APOBR: variants seen among roughly 807,000 people sequenced by gnomAD.
APOBR encodes the protein apoB-48R.
In APOBR, 57 loss-of-function variants were observed where a neutral mutation model predicts 88.5. The observed-to-expected ratio is 0.64, with a 90% CI of 0.52 to 0.80. APOBR has a LOEUF of 0.80. Among genes scored for constraint, APOBR ranks in the 30% least tolerant of loss-of-function variants. APOBR has a pLI of 0.00. For synonymous variants in APOBR, 588 were observed against 572.7 expected (o/e 1.03, Z -0.38); for missense variants, 1,443 against 1,401.6 (o/e 1.03, Z -0.47).
rs1182925048 is a variant in APOBR, at chr16:28,496,829, G to A, written c.1788G>A (p.Glu596=). ...ELMGVLALSK[E]EQERSLEAGP... ...TGGGAGTTCTGGCCCTGAGCAAAGA[G>A]GAGCAGGAGAGGAGCCTGGAGGCAG... Residue 596 remains glutamate (E), a synonymous_variant, in exon 2 of 4, where the codon GAG becomes GAA. Transcript: ENST00000564831. 6.4e-7 allele frequency: 1 copy of A among 1,561,186 alleles called. No homozygotes were observed. Among genetic ancestry groups the A allele is most frequent in the Non-Finnish European group, 8.7e-7 (1 of 1,152,498 alleles).
rs757908727 is a variant in APOBR, at chr16:28,496,968, G to T, written c.1927G>T (p.Asp643Tyr). Residue 643 changes from aspartate to tyrosine, a missense_variant, in exon 2 of 4, where the codon GAT (aspartate) becomes TAT (tyrosine). Physicochemically the swap from Asp to Tyr is radical, Grantham distance 160. Transcript: ENST00000564831. ...AGGAAATACTCAGGAGGATGCGGCC[G>T]ATGGCGAGCAGCGGGAGGAGGAGGA... ...ERGNTQEDAA[D>Y]GEQREEEETA... 1 of 1,559,430 alleles carries T rather than the reference G, an allele frequency of 6.4e-7. No individual in the cohort carries two copies. The highest frequency in any genetic ancestry group is 2.3e-5 in the East Asian group (1 of 42,756).
chr16:28,498,690 A>G lies in APOBR; in HGVS notation c.*185A>G. The G allele has an allele frequency of 1.4e-6, 1 of 697,242 alleles. No individual in the cohort carries two copies. The highest frequency in any genetic ancestry group is 2.4e-6 in the Non-Finnish European group (1 of 425,096). 43.2% of individuals were successfully genotyped at this position (697,242 alleles called of 1,614,324 possible). A position where few individuals can be genotyped will look rare whatever the true frequency, so the allele number is the denominator to read the frequency against. On this transcript the variant is annotated 3_prime_UTR_variant, in exon 4 of 4. Transcript: ENST00000564831. ...GTCTGGGAAGACCGTGAACTTAAGG[A>G]GTCTGATTCTCCGACACAGGCTGGT...
chr16:28,498,361 G>A lies in APOBR; in HGVS notation c.3224+12G>A, dbSNP rs1367161683. ...CCCCTGGGACACGGGTAGGCACAGGGCAACTCAGCTGGGGTGGGGAAGAGA... is the reference window on the plus strand; with the variant it reads ...CCCCTGGGACACGGGTAGGCACAGGACAACTCAGCTGGGGTGGGGAAGAGA... On this transcript the variant is annotated intron_variant, in intron 3 of 3. Coordinates refer to ENST00000564831, the MANE Select transcript of APOBR (RefSeq NM_018690.4). The A allele has an allele frequency of 1.9e-6, 3 of 1,597,010 alleles. No individual in the cohort carries two copies. Among genetic ancestry groups the A allele is most frequent in the Non-Finnish European group, 2.6e-6 (3 of 1,169,746 alleles).
At position 28,495,669 on chromosome 16, in the gene APOBR, G is replaced by C. The variant is rs1470478295; in HGVS notation, c.628G>C (p.Ala210Pro). 2 of 1,542,804 alleles carry C rather than the reference G, an allele frequency of 1.3e-6. No individual in the cohort carries two copies. ...WTWHGETEGK[A>P]GAVGPKAAGD... ...CTGGCATGGGGAGACGGAGGGGAAG[G>C]CTGGTGCTGTTGGGCCAAAGGCGGC... Residue 210 changes from alanine to proline, a missense_variant, in exon 2 of 4, where the codon GCT (alanine) becomes CCT (proline). Ala to Pro is a conservative substitution (Grantham distance 27). Coordinates refer to ENST00000564831, the MANE Select transcript of APOBR (RefSeq NM_018690.4).
Position 28,498,093 on chromosome 16 carries a change from G to A in APOBR, c.2968G>A (p.Gly990Arg), listed in dbSNP as rs199615243. 687 of 1,555,102 alleles carry A rather than the reference G, an allele frequency of 4.4e-4. 1 individual carries two copies. The highest frequency in any genetic ancestry group is 5.7e-4 in the Non-Finnish European group (656 of 1,156,062). Residue 990 changes from glycine (G) to arginine (R), a missense_variant, in exon 3 of 4, where the codon GGG becomes AGG. Coordinates refer to ENST00000564831, the MANE Select transcript of APOBR (RefSeq NM_018690.4). ...ANSWSEAPLP[G>R]SLLDVSVPRS... ...CCCTTTCCTGCAGGCCCCGCTCCCC[G>A]GGTCCCTCCTAGACGTCTCTGTCCC... is the stretch of plus-strand genomic sequence containing the variant.
At position 28,497,795 on chromosome 16, in the gene APOBR, T is replaced by C; in HGVS notation, c.2754T>C (p.Asp918=). The change falls in exon 2 of 4, where the codon GAT becomes GAC. Residue 918 remains aspartate, a synonymous_variant. Coordinates refer to ENST00000564831, the MANE Select transcript of APOBR (RefSeq NM_018690.4). ...AGGGAGAGGCACCAAGGCTCCTTGATGCAGAGGGTCTCATGGTGACCGGGG... is the reference window on the plus strand; with the variant it reads ...AGGGAGAGGCACCAAGGCTCCTTGACGCAGAGGGTCTCATGGTGACCGGGG... ...HPEGEAPRLL[D]AEGLMVTGGR... is the part of the protein sequence containing the mutation. The C allele has an allele frequency of 6.2e-7, 1 of 1,605,352 alleles. No homozygotes were observed. Among genetic ancestry groups the C allele is most frequent in the Non-Finnish European group, 8.5e-7 (1 of 1,176,162 alleles).
In APOBR at chr16:28,495,132, G is replaced by A; in HGVS notation, c.91G>A (p.Gly31Arg). 1.9e-6 allele frequency: 3 copies of A among 1,546,276 alleles called. No homozygotes were observed. The highest frequency in any genetic ancestry group is 2.6e-6 in the Non-Finnish European group (3 of 1,150,484). The change falls in exon 2 of 4, where the codon GGA becomes AGA. Residue 31 changes from glycine (G) to arginine (R), a missense_variant. Physicochemically the swap from Gly to Arg is moderately radical, Grantham distance 125. Transcript: ENST00000564831. ...CGGCACCTTTGTCTCCTACCTCCTG[G>A]GAGATGCAGTCCCCACTGTAGAGCG... is the stretch of plus-strand genomic sequence containing the variant. ...SLGTFVSYLL[G>R]DAVPTVEREA...
rs1039614417 is a variant in APOBR at position 28,494,933 on chromosome 16, C to T, written c.58-166C>T. Reference sequence around the variant, plus strand: ...GTCCCCACCTCCAACCATGCGTCCTCGTACCCCTAATCGATGCCCCTTCTG... The same window carrying T: ...GTCCCCACCTCCAACCATGCGTCCTTGTACCCCTAATCGATGCCCCTTCTG... On this transcript the variant is annotated intron_variant, in intron 1 of 3. Transcript: ENST00000564831. The T allele has an allele frequency of 6.9e-5, 59 of 850,872 alleles. No individual in the cohort carries two copies. The African/African-American group carries it at 8.2e-4, about 12-fold the overall frequency. The allele number at this position is 850,872 out of a possible 1,614,324, so 52.7% of individuals were successfully genotyped here. A position where few individuals can be genotyped will look rare whatever the true frequency, so the allele number is the denominator to read the frequency against.
Position 28,496,502 on chromosome 16 carries a change from G to T in APOBR, c.1461G>T (p.Glu487Asp). 1 of 1,591,100 alleles carries T rather than the reference G, an allele frequency of 6.3e-7. No homozygotes were observed. The highest frequency in any genetic ancestry group is 8.6e-7 in the Non-Finnish European group (1 of 1,169,234). Residue 487 changes from glutamate (E) to aspartate (D), a missense_variant, in exon 2 of 4, where the codon GAG (glutamate) becomes GAT (aspartate). Transcript: ENST00000564831. The stretch of plus-strand genomic sequence containing the variant: ...GGGCCGACCGGGCCAGGATGGAAGA[G>T]CTGGTACAGGCAGAGGAGGCCCAGG... ...GIRADRARME[E>D]LVQAEEAQEE...
Position 28,494,706 on chromosome 16 carries a change from C to T in APOBR, c.25C>T (p.Pro9Ser). 1 of 1,612,550 alleles carries T rather than the reference C, an allele frequency of 6.2e-7. No homozygotes were observed. The highest frequency in any genetic ancestry group is 1.1e-5 in the South Asian group (1 of 90,924). The part of the protein sequence containing the change: MDFLRLYL[P>S]GLHQALRGAL... ...GATGGACTTCCTCCGGCTATACCTC[C>T]CTGGGCTGCACCAGGCCTTGAGGGG... Residue 9 changes from proline to serine, a missense_variant, in exon 1 of 4, where the codon CCT becomes TCT. Transcript: ENST00000564831.
intron 2 of APOBR, 32 bp from the exon 3 acceptor site, chr16:28,498,049 C>T (rs1166728719): frequency 1.3e-6 from 2 of 1,545,248 alleles, no homozygotes; most frequent in South Asian, 1.2e-5. Flanking sequence ...CCGAAGCCGG[C>T]CCCATGGTCC....
rs370609455 is a variant in APOBR at position 28,494,707 on chromosome 16, C to G, written c.26C>G (p.Pro9Arg). The G allele has an allele frequency of 4.3e-6, 7 of 1,612,346 alleles. No homozygotes were observed. The African/African-American group carries it at 9.4e-5, about 22-fold the overall frequency. Reference protein sequence around the residue: MDFLRLYLPGLHQALRGAL... With the variant: MDFLRLYLRGLHQALRGAL... ...ATGGACTTCCTCCGGCTATACCTCC[C>G]TGGGCTGCACCAGGCCTTGAGGGGG... The change falls in exon 1 of 4, where the codon CCT becomes CGT. Residue 9 changes from proline to arginine, a missense_variant. Transcript: ENST00000564831.
rs761689557 is a variant in APOBR, at chr16:28,498,204, G to A, written c.3079G>A (p.Glu1027Lys). The A allele has an allele frequency of 1.2e-6, 2 of 1,606,150 alleles. No individual in the cohort carries two copies. The highest frequency in any genetic ancestry group is 1.3e-5 in the African/African-American group (1 of 74,966). The part of the protein sequence containing the change: ...FRRTPAWEQQ[E>K]EPPAPNPPEE... ...TCGGACTCCGGCCTGGGAGCAGCAG[G>A]AGGAGCCCCCAGCCCCCAACCCTCC... The change falls in exon 3 of 4, where the codon GAG becomes AAG. Residue 1027 changes from glutamate (E) to lysine (K), a missense_variant. Physicochemically the swap from Glu to Lys is moderately conservative, Grantham distance 56. Coordinates refer to ENST00000564831, the MANE Select transcript of APOBR (RefSeq NM_018690.4).
rs1296884236 is a variant in APOBR at position 28,497,155 on chromosome 16, G to A, written c.2114G>A (p.Gly705Glu). The change falls in exon 2 of 4, where the codon GGA (glycine) becomes GAA (glutamate). Residue 705 changes from glycine (G) to glutamate (E), a missense_variant. Physicochemically the swap from Gly to Glu is moderately conservative, Grantham distance 98. Transcript: ENST00000564831. Reference protein sequence around the residue: ...ASVSENQELDGSTGADAGPCP... With the variant: ...ASVSENQELDESTGADAGPCP... ...GTCTCAGAGAACCAGGAGCTGGACG[G>A]AAGCACAGGGGCAGACGCAGGGCCT... 6.2e-7 allele frequency: 1 copy of A among 1,606,118 alleles called. No individual in the cohort carries two copies. The highest frequency in any genetic ancestry group is 1.1e-5 in the South Asian group (1 of 89,506).
At position 28,498,599 on chromosome 16, in the gene APOBR, A is replaced by C; in HGVS notation, c.*94A>C. 2.2e-6 allele frequency: 3 copies of C among 1,378,868 alleles called. No homozygotes were observed. The East Asian group carries it at 7.6e-5, about 35-fold the overall frequency. The allele number at this position is 1,378,868 out of a possible 1,614,324, so 85.4% of individuals were successfully genotyped here. On this transcript the variant is annotated 3_prime_UTR_variant, in exon 4 of 4. Transcript: ENST00000564831. ...CCCTGCTCCCTCTGCCACTGTGGACACATCCTCTCCACCCTCTGGGCCTCA... is the reference window on the plus strand; with the variant it reads ...CCCTGCTCCCTCTGCCACTGTGGACCCATCCTCTCCACCCTCTGGGCCTCA...
intron 1 of APOBR, 174 bp downstream of exon 1, chr16:28,494,912 C>G: frequency 3.6e-6 from 3 of 835,192 alleles, no homozygotes; most frequent in Non-Finnish European, 5.5e-6. Flanking sequence ...ATTTCAGTCC[C>G]CACCTCCAAC....
At position 28,495,476 on chromosome 16, in the gene APOBR, G is replaced by T; in HGVS notation, c.435G>T (p.Gly145=). The T allele has an allele frequency of 6.4e-7, 1 of 1,564,470 alleles. No homozygotes were observed. The highest frequency in any genetic ancestry group is 8.7e-7 in the Non-Finnish European group (1 of 1,154,592). ...AGGCCAGAAAGAAATCCAAGGCAGG[G>T]TCTGGGGCTTGCCAAGACAGGAGCG... is the stretch of plus-strand genomic sequence containing the variant. ...HLEARKKSKA[G]SGACQDRSGQ... Residue 145 remains glycine (G), a synonymous_variant, in exon 2 of 4, where the codon GGG becomes GGT. Transcript: ENST00000564831.
At position 28,498,316 on chromosome 16, in the gene APOBR, C is replaced by A; in HGVS notation, c.3191C>A (p.Pro1064Gln). ...EPSPLRHDGTPVPARRRPLGH... is the reference protein window; with the variant it reads ...EPSPLRHDGTQVPARRRPLGH... ...AGCCCTCTGAGGCATGATGGGACCC[C>A]GGTGCCAGCCAGGAGAAGGCCCCTG... Residue 1064 changes from proline to glutamine, a missense_variant, in exon 3 of 4, where the codon CCG becomes CAG. By Grantham distance (76) the Pro-to-Gln change is moderately conservative (BLOSUM62 -1). Coordinates refer to ENST00000564831, the MANE Select transcript of APOBR (RefSeq NM_018690.4). 6.3e-7 allele frequency: 1 copy of A among 1,598,346 alleles called. No individual in the cohort carries two copies.
Position 28,495,361 on chromosome 16 carries a change from G to A in APOBR, c.320G>A (p.Ser107Asn), listed in dbSNP as rs1458703452. 2 of 1,558,818 alleles carry A rather than the reference G, an allele frequency of 1.3e-6. No individual in the cohort carries two copies. Among genetic ancestry groups the A allele is most frequent in the South Asian group, 2.4e-5 (2 of 84,336 alleles). ...CAGACCTGGGGCTGGGGAGATGGCA[G>A]CTCCCATGGGTCCCAAGCAGAGAGG... ...VEQTWGWGDGSSHGSQAERQD... is the reference protein window; with the variant it reads ...VEQTWGWGDGNSHGSQAERQD... Residue 107 changes from serine (S) to asparagine (N), a missense_variant, in exon 2 of 4, where the codon AGC becomes AAC. Ser to Asn is a conservative substitution (Grantham distance 46, BLOSUM62 1). Coordinates refer to ENST00000564831, the MANE Select transcript of APOBR (RefSeq NM_018690.4).
Sources: gnomAD v4.1 joint callset for allele counts on GRCh38, gnomAD v4.1.1 for gene constraint, MANE v1.5 for transcripts, NCBI Gene and HGNC (gene_info 2026-07-23, HGNC 2026-07-21) for gene names.